The following FLI1 variants were observed in gnomAD, a reference collection of about 807,000 sequenced individuals.
FLI1 encodes the protein Fli-1 proto-oncogene, ETS transcription factor.
Under a neutral mutation model 53.1 loss-of-function variants are expected in FLI1, and 13 were observed. That is an observed-to-expected ratio of 0.24 (90% confidence interval 0.16 to 0.39). The LOEUF (loss-of-function observed/expected upper bound fraction) is 0.39. Ranked by LOEUF, FLI1 falls within the 10% of genes least tolerant of loss-of-function variation. The pLI, the probability that FLI1 is intolerant of heterozygous loss-of-function variation, is 1.00. For synonymous variants in FLI1, 244 were observed against 236.7 expected (o/e 1.03, Z -0.28); for missense variants, 424 against 600.5 (o/e 0.71, Z 3.07).
intron 5 of FLI1, among the ~76,000 whole-genome samples, chr11:128,785,878 T>C (rs1942062664): frequency 6.6e-6 from 1 of 151,904 alleles, no homozygotes; most frequent in African/African-American, 2.4e-5. Flanking sequence ...TGGGTAAGAG[T>C]TTCAATTTGG....
chr11:128,692,160 T>C (rs1937766340), upstream of FLI1: 1 of 152,186 alleles, frequency 6.6e-6, no homozygotes, highest in Non-Finnish European at 1.5e-5. Context: ...AGGATGTAAT[T>C]CATTCTTCCT....
At chr11:128,699,427 G>A (rs568454176) in intron 1 of FLI1, among the ~76,000 whole-genome samples, 91 of 152,176 alleles carry the variant, frequency 6.0e-4, no homozygotes, top group African/African-American at 2.0e-3. Flanking sequence ...GTTTTGTAAC[G>A]AATTAAGTAG....
chr11:128,704,199 G>A (rs1206672517), intron 1 of FLI1, among the ~76,000 whole-genome samples: 1 of 152,182 alleles, frequency 6.6e-6, no homozygotes, highest in Non-Finnish European at 1.5e-5. Context: ...TTATTTGGGG[G>A]TGTGGATGAT....
chr11:128,776,836 C>G (rs1285037087), intron 4 of FLI1, among the ~76,000 whole-genome samples: 1 of 151,940 alleles, frequency 6.6e-6, no homozygotes, highest in Non-Finnish European at 1.5e-5. Context: ...GACGTTCCCC[C>G]GGCCCTGGAG....
rs370479993 is a variant in FLI1 at position 128,807,209 on chromosome 11, A to C, written c.751A>C (p.Ser251Arg). The C allele has an allele frequency of 6.2e-7, 1 of 1,600,478 alleles. No homozygotes were observed. The highest frequency in any genetic ancestry group is 8.5e-7 in the Non-Finnish European group (1 of 1,173,100). Reference sequence around the variant, plus strand: ...TCCCCTTGGAGGGGCACAAACGATCAGTAAGAATACAGAGCAACGGCCCCA... The same window carrying C: ...TCCCCTTGGAGGGGCACAAACGATCCGTAAGAATACAGAGCAACGGCCCCA... ...SPPLGGAQTI[S>R]KNTEQRPQPD... The change falls in exon 7 of 9, where the codon AGT (serine) becomes CGT (arginine). Residue 251 changes from serine (S) to arginine (R), a missense_variant. Transcript: ENST00000527786.
chr11:128,757,583 C>T (rs1213173669), intron 1 of FLI1, among the ~76,000 whole-genome samples: 1 of 152,208 alleles, frequency 6.6e-6, no homozygotes, highest in Non-Finnish European at 1.5e-5. Flanking sequence ...ATTGGCCTGG[C>T]CACAGCCATG....
intron 1 of FLI1, among the ~76,000 whole-genome samples, chr11:128,752,951 G>T (rs1015839608): frequency 6.6e-6 from 1 of 152,220 alleles, no homozygotes; most frequent in Non-Finnish European, 1.5e-5. Flanking sequence ...CCAGGAGGGG[G>T]TCGTGGAAAG....
At chr11:128,800,623 CTT>C (rs3216603) in intron 5 of FLI1, among the ~76,000 whole-genome samples, 17,339 of 152,188 alleles carry the variant, frequency 0.11, 1,085 homozygotes, top group East Asian at 0.26. Context: ...CCAACAGAGA[CTT>C]TGCGGAAAAA....
chr11:128,763,532 G>A lies in FLI1; in HGVS notation c.231-4586G>A, dbSNP rs574502615. Reference sequence around the variant, plus strand: ...GGGAAATGCAAGACTTGCCTTGTGAGCCTGGTATTCAGGACCAGAGTTCAG... The same window carrying A: ...GGGAAATGCAAGACTTGCCTTGTGAACCTGGTATTCAGGACCAGAGTTCAG... On this transcript the variant is annotated intron_variant, in intron 2 of 8. Coordinates refer to ENST00000527786, the MANE Select transcript of FLI1 (RefSeq NM_002017.5). Among the ~76,000 whole-genome samples, 4 of 152,362 alleles carry A rather than the reference G, an allele frequency of 2.6e-5. No individual in the cohort carries two copies. The South Asian group carries it at 6.2e-4, about 24-fold the overall frequency.
intron 4 of FLI1, among the ~76,000 whole-genome samples, chr11:128,778,532 T>C (rs1427085920): frequency 2.0e-5 from 3 of 152,350 alleles, no homozygotes; most frequent in Middle Eastern, 3.4e-3. Flanking sequence ...TCTGGCTGTG[T>C]GATCCTGGGA....
At chr11:128,692,135 A>T (rs938258941), upstream of FLI1, 9 of 152,032 alleles carry the variant, frequency 5.9e-5, no homozygotes, top group African/African-American at 2.2e-4. Flanking sequence ...AAAAGGAAAC[A>T]ATTTGGGGTT....
intron 5 of FLI1, among the ~76,000 whole-genome samples, chr11:128,799,464 G>A (rs1565506898): frequency 6.6e-6 from 1 of 152,260 alleles, no homozygotes; most frequent in Non-Finnish European, 1.5e-5. Flanking sequence ...ACCGTAGAAA[G>A]CACCTGTTAT....
At chr11:128,727,457 G>T (rs1939529867) in intron 1 of FLI1, among the ~76,000 whole-genome samples, 1 of 152,204 alleles carries the variant, frequency 6.6e-6, no homozygotes, top group Non-Finnish European at 1.5e-5. Flanking sequence ...ATCTCAGCAA[G>T]TCAGGCCCTG....
chr11:128,740,819 T>A (rs1022762348), intron 1 of FLI1, among the ~76,000 whole-genome samples: 1 of 152,098 alleles, frequency 6.6e-6, no homozygotes, highest in African/African-American at 2.4e-5. Flanking sequence ...GTTGGGGTGG[T>A]AGGTGGTTGC....
intron 5 of FLI1, among the ~76,000 whole-genome samples, chr11:128,801,581 G>A (rs1942639706): frequency 6.6e-6 from 1 of 152,174 alleles, no homozygotes; most frequent in African/African-American, 2.4e-5. Context: ...CACTCAGAGG[G>A]GACACAGGAG....
At chr11:128,710,796 T>C (rs1938754447) in intron 1 of FLI1, among the ~76,000 whole-genome samples, 1 of 152,224 alleles carries the variant, frequency 6.6e-6, no homozygotes, top group African/African-American at 2.4e-5. Flanking sequence ...TTGCATTTGA[T>C]ATGGGAGCAA....
intron 1 of FLI1, among the ~76,000 whole-genome samples, chr11:128,746,490 C>T (rs1354123098): frequency 2.6e-5 from 4 of 152,210 alleles, no homozygotes; most frequent in South Asian, 2.1e-4. Context: ...GTTCTGACTC[C>T]CACCTTCCCT....
At chr11:128,776,523 C>CAGAT (rs1423129402) in intron 4 of FLI1, among the ~76,000 whole-genome samples, 7 of 152,212 alleles carry the variant, frequency 4.6e-5, no homozygotes, top group Middle Eastern at 3.4e-3. Flanking sequence ...TGGTGGTGGG[C>CAGAT]GCCTGTAATC....
intron 1 of FLI1, among the ~76,000 whole-genome samples, chr11:128,706,395 A>G (rs1460468180): frequency 6.6e-6 from 1 of 152,220 alleles, no homozygotes; most frequent in African/African-American, 2.4e-5. Flanking sequence ...ACCTTTAGGC[A>G]TGACCCAGGG....
Sources: allele counts gnomAD v4.1 joint callset (sites outside exome capture counted in the v4.1 genomes callset), GRCh38; gene constraint gnomAD v4.1.1; transcripts MANE v1.5; gene names NCBI Gene and HGNC (gene_info 2026-07-23, HGNC 2026-07-21).